Variants in ANXA6 observed in about 807,000 individuals in gnomAD.
ANXA6 encodes the protein 67 kDa calelectrin.
A neutral mutation model predicts 95.4 loss-of-function variants in ANXA6; 71 were observed. That is an observed-to-expected ratio of 0.74 (90% CI 0.61 to 0.91). The LOEUF is 0.91. Ranked by LOEUF, ANXA6 falls within the 40% of genes least tolerant of loss-of-function variation. The pLI is 0.00. For synonymous variants in ANXA6, 289 were observed against 315.9 expected (o/e 0.91, Z 0.90); for missense variants, 830 against 876.4 (o/e 0.95, Z 0.67).
Position 151,121,468 on chromosome 5 carries a change from T to C in ANXA6, c.1347+679A>G, listed in dbSNP as rs142824565. Among the ~76,000 whole-genome samples the C allele has an allele frequency of 7.0e-4, 106 of 152,332 alleles. No homozygotes were observed. In the South Asian group the frequency reaches 0.014, roughly 21 times the overall value. On this transcript the variant is annotated intron_variant, in intron 17 of 25. Transcript: ENST00000354546. ...TAGCAACTTCTGGGCCAGGACATAA[T>C]GCTTTCTTGTTTAATGTAGGGTCAG...
chr5:151,124,515 A>G, intron 14 of ANXA6, 148 bp from the exon 15 acceptor site: 1 of 667,084 alleles, frequency 1.5e-6, no homozygotes, highest in Admixed American at 2.3e-5. Context: ...AAGCCACAGC[A>G]GACAGACCCT....
At position 151,101,118 on chromosome 5, in the gene ANXA6, G is replaced by A. The variant is rs1764535396; in HGVS notation, c.*330C>T. Reference sequence around the variant, plus strand: ...AGACACTACTCATTTTACAGACAGAGGTTCAGGATGTTTTTGGATCTGACA... The same window carrying A: ...AGACACTACTCATTTTACAGACAGAAGTTCAGGATGTTTTTGGATCTGACA... On this transcript the variant is annotated 3_prime_UTR_variant, in exon 26 of 26. Coordinates refer to ENST00000354546, the MANE Select transcript of ANXA6 (RefSeq NM_001155.5). 5 of 518,452 alleles carry A rather than the reference G, an allele frequency of 9.6e-6. No individual in the cohort carries two copies. 32.1% of individuals were successfully genotyped at this position (518,452 alleles called of 1,614,324 possible).
rs778419839 is a variant in ANXA6, at chr5:151,119,325, C to A, written c.1413G>T (p.Arg471=). The part of the protein sequence containing the change: ...ILATRTNAEI[R]AINEAYKEDY... The stretch of plus-strand genomic sequence containing the variant: ...CCTCCTTATAGGCCTCATTGATGGC[C>A]CGGATTTCAGCATTGGTCCGAGTGG... The change falls in exon 18 of 26, where the codon CGG becomes CGT. Residue 471 remains arginine (R), a synonymous_variant. Transcript: ENST00000354546. 1.9e-6 allele frequency: 3 copies of A among 1,613,442 alleles called. No homozygotes were observed. The highest frequency in any genetic ancestry group is 4.5e-5 in the East Asian group (2 of 44,880).
chr5:151,122,973 G>A lies in ANXA6; in HGVS notation c.1177C>T (p.Arg393Cys), dbSNP rs756721960. 9.9e-6 allele frequency: 16 copies of A among 1,613,764 alleles called. No individual in the cohort carries two copies. The highest frequency in any genetic ancestry group is 1.3e-5 in the African/African-American group (1 of 74,924). ...EDTIIDIITH[R>C]SNVQRQQIRQ... Reference sequence around the variant, plus strand: ...ATCTGCTGCCGCTGGACATTGCTGCGGTGCGTGATGATATCGATGATTGTG... The same window carrying A: ...ATCTGCTGCCGCTGGACATTGCTGCAGTGCGTGATGATATCGATGATTGTG... Residue 393 changes from arginine to cysteine, a missense_variant, in exon 16 of 26, where the codon CGC (arginine) becomes TGC (cysteine). Physicochemically the swap from Arg to Cys is radical, Grantham distance 180. Coordinates refer to ENST00000354546, the MANE Select transcript of ANXA6 (RefSeq NM_001155.5).
At chr5:151,131,357 C>T in intron 10 of ANXA6, 68 bp from the exon 11 acceptor site, 1 of 1,520,956 alleles carries the variant, frequency 6.6e-7, no homozygotes, top group Non-Finnish European at 9.1e-7. Context: ...TGGCCTGACT[C>T]CCTCTTTGTT....
intron 4 of ANXA6, chr5:151,139,151 C>G: frequency 1.7e-6 from 1 of 593,100 alleles, no homozygotes; most frequent in East Asian, 2.8e-5. Flanking sequence ...ACACCTAGCA[C>G]GAGCCCAGCA....
At position 151,113,696 on chromosome 5, in the gene ANXA6, A is replaced by G. The variant is rs151131540; in HGVS notation, c.1573-3052T>C. Among the ~76,000 whole-genome samples, 577 of 152,340 alleles carry G rather than the reference A, an allele frequency of 3.8e-3. 1 individual carries two copies. Among genetic ancestry groups the G allele is most frequent in the African/African-American group, 0.013 (550 of 41,576 alleles). On this transcript the variant is annotated intron_variant, in intron 20 of 25. Coordinates refer to ENST00000354546, the MANE Select transcript of ANXA6 (RefSeq NM_001155.5). ...ATATTCACCACAAAAGCTTGTTCTT[A>G]TTAGCCTAGCTACTTCATGCAAAAA...
intron 7 of ANXA6, among the ~76,000 whole-genome samples, chr5:151,135,575 T>C (rs935929278): frequency 3.3e-5 from 5 of 152,252 alleles, no homozygotes; most frequent in African/African-American, 9.6e-5. Context: ...CCTGTTCCCA[T>C]CGTGCCTGTG....
At chr5:151,124,893 G>A (rs1430517759) in intron 14 of ANXA6, among the ~76,000 whole-genome samples, 1 of 152,148 alleles carries the variant, frequency 6.6e-6, no homozygotes. Flanking sequence ...TCTCTTAATG[G>A]TTTTATGTAA....
chr5:151,101,156 G>A lies in ANXA6; in HGVS notation c.*292C>T. On this transcript the variant is annotated 3_prime_UTR_variant, in exon 26 of 26. Transcript: ENST00000354546. ...TTTGGATCTGACATAGCCCAAACCAGGGCAGAGGCTGTAGCAAGGGGAGGA... is the reference window on the plus strand; with the variant it reads ...TTTGGATCTGACATAGCCCAAACCAAGGCAGAGGCTGTAGCAAGGGGAGGA... 1.8e-6 allele frequency: 1 copy of A among 567,768 alleles called. No homozygotes were observed. The highest frequency in any genetic ancestry group is 1.8e-5 in the South Asian group (1 of 54,464). 35.2% of individuals were successfully genotyped at this position (567,768 alleles called of 1,614,324 possible).
Position 151,129,496 on chromosome 5 carries a change from T to G in ANXA6, c.829A>C (p.Ile277Leu), listed in dbSNP as rs758821843. 1.2e-6 allele frequency: 2 copies of G among 1,610,758 alleles called. No homozygotes were observed. Among genetic ancestry groups the G allele is most frequent in the East Asian group, 4.5e-5 (2 of 44,826 alleles). ...TCCAACTCACTACGGGAGACCATGA[T>G]GCGGATCAGGGTGTTGTCCCGAGTC... ...LGTRDNTLIR[I>L]MVSRSELDML... The change falls in exon 12 of 26, where the codon ATC (isoleucine) becomes CTC (leucine). Residue 277 changes from isoleucine (I) to leucine (L), a missense_variant. By Grantham distance (5) the Ile-to-Leu change is conservative. Transcript: ENST00000354546.
intron 1 of ANXA6, among the ~76,000 whole-genome samples, chr5:151,152,920 C>T (rs769934175): frequency 5.9e-5 from 9 of 151,906 alleles, no homozygotes; most frequent in Admixed American, 1.3e-4. Context: ...AGATGTTGAG[C>T]GTAAGGGGGT....
intron 1 of ANXA6, 94 bp downstream of exon 1, chr5:151,157,586 T>G (rs1468334738): frequency 2.6e-5 from 4 of 152,800 alleles, no homozygotes; most frequent in Non-Finnish European, 4.4e-5. Flanking sequence ...GGGGTACCCA[T>G]CAGCCGATGA....
chr5:151,113,987 A>G (rs917081281), intron 20 of ANXA6, among the ~76,000 whole-genome samples: 10 of 152,246 alleles, frequency 6.6e-5, no homozygotes, highest in African/African-American at 2.4e-4. Flanking sequence ...AGTGTTTAAC[A>G]TAGTGTTTAG....
intron 20 of ANXA6, among the ~76,000 whole-genome samples, chr5:151,111,822 G>A (rs1264688422): frequency 6.6e-6 from 1 of 151,010 alleles, no homozygotes; most frequent in African/African-American, 2.4e-5. Context: ...CAATCCTCCT[G>A]CCTTGGCCTC....
chr5:151,100,854 T>C lies in ANXA6; in HGVS notation c.*594A>G, dbSNP rs973352923. On this transcript the variant is annotated 3_prime_UTR_variant, in exon 26 of 26. Coordinates refer to ENST00000354546, the MANE Select transcript of ANXA6 (RefSeq NM_001155.5). ...AACTGTCTCATTGTAGATAAGAAAA[T>C]AGAGACTCAGGGAGGGAAAGGGGCT... 7 of 455,830 alleles carry C rather than the reference T, an allele frequency of 1.5e-5. No individual in the cohort carries two copies. Among genetic ancestry groups the C allele is most frequent in the Admixed American group, 1.4e-4 (6 of 42,532 alleles). The allele number at this position is 455,830 out of a possible 1,614,324, so 28.2% of individuals were successfully genotyped here.
rs371153167 is a variant in ANXA6, at chr5:151,126,389, G to T, written c.1056+13C>A. The T allele has an allele frequency of 2.0e-5, 32 of 1,602,134 alleles. No homozygotes were observed. The highest frequency in any genetic ancestry group is 2.6e-5 in the Non-Finnish European group (31 of 1,173,524). ...TGGTCAAGAGGTCAAGCAGGAGGAGGGGAAGGTCTGACCTCTACTCGGGCC... is the reference window on the plus strand; with the variant it reads ...TGGTCAAGAGGTCAAGCAGGAGGAGTGGAAGGTCTGACCTCTACTCGGGCC... On this transcript the variant is annotated intron_variant, in intron 14 of 25. Coordinates refer to ENST00000354546, the MANE Select transcript of ANXA6 (RefSeq NM_001155.5).
Position 151,138,796 on chromosome 5 carries a change from C to T in ANXA6, c.205-5G>A, listed in dbSNP as rs775801754. The T allele has an allele frequency of 3.7e-6, 6 of 1,600,310 alleles. No homozygotes were observed. Among genetic ancestry groups the T allele is most frequent in the Non-Finnish European group, 4.3e-6 (5 of 1,168,378 alleles). ...CTTTAAATCAGCAATGAGGTCCTGG[C>T]AGGTGGGGAAGAAGAGGAGATAGAA... On this transcript the variant is annotated splice_polypyrimidine_tract_variant and splice_region_variant and intron_variant, in intron 4 of 25. Coordinates refer to ENST00000354546, the MANE Select transcript of ANXA6 (RefSeq NM_001155.5).
rs1765216205 is a variant in ANXA6, at chr5:151,123,025, G to A, written c.1139-14C>T. The A allele has an allele frequency of 6.2e-7, 1 of 1,610,642 alleles. No homozygotes were observed. Among genetic ancestry groups the A allele is most frequent in the Non-Finnish European group, 8.5e-7 (1 of 1,177,924 alleles). ...CTTCGTCAGTCCCTGAGTCACCAAA[G>A]CCACATGCCTCAGAAGAAGGCCTGT... is the stretch of plus-strand genomic sequence containing the variant. On this transcript the variant is annotated splice_polypyrimidine_tract_variant and intron_variant, in intron 15 of 25. Coordinates refer to ENST00000354546, the MANE Select transcript of ANXA6 (RefSeq NM_001155.5).
Sources: gnomAD v4.1 joint callset for allele counts (sites outside exome capture counted in the v4.1 genomes callset) on GRCh38, gnomAD v4.1.1 for gene constraint, MANE v1.5 for transcripts, NCBI Gene and HGNC (gene_info 2026-07-23, HGNC 2026-07-21) for gene names.